The following MAP3K1 variants were observed in gnomAD, a reference collection of about 807,000 sequenced individuals.
The protein encoded by MAP3K1 is MAP/ERK kinase kinase 1.
In MAP3K1, 36 loss-of-function variants were observed where a neutral mutation model predicts 144.2. That is an observed-to-expected ratio of 0.25 (90% confidence interval 0.19 to 0.33). The LOEUF (loss-of-function observed/expected upper bound fraction) is 0.33, where lower values mean the gene tolerates loss of function less well. Among genes scored for constraint, MAP3K1 ranks in the 10% least tolerant of loss-of-function variants. The probability of loss-of-function intolerance (pLI) is 1.00; values close to 1 mark genes in which losing one functional copy is unlikely to be tolerated. For synonymous variants in MAP3K1, 718 were observed against 688.7 expected (o/e 1.04, Z -0.67); for missense variants, 1,650 against 1,881.9 (o/e 0.88, Z 2.28).
intron 19 of MAP3K1, among the ~76,000 whole-genome samples, chr5:56,893,279 G>A (rs1179502496): frequency 6.6e-6 from 1 of 152,154 alleles, no homozygotes; most frequent in African/African-American, 2.4e-5. Context: ...CCTTGTTGAT[G>A]TAAATAATAA....
At chr5:56,851,750 C>T (rs1386761348) in intron 1 of MAP3K1, among the ~76,000 whole-genome samples, 1 of 152,176 alleles carries the variant, frequency 6.6e-6, no homozygotes, top group Non-Finnish European at 1.5e-5. Flanking sequence ...ATTCCTGGAC[C>T]AGGCAGCTGT....
intron 1 of MAP3K1, among the ~76,000 whole-genome samples, chr5:56,855,996 T>C (rs369472921): frequency 6.6e-6 from 1 of 152,216 alleles, no homozygotes; most frequent in South Asian, 2.1e-4. Flanking sequence ...TTTATTCTGG[T>C]AAATCCACAC....
chr5:56,891,137 G>C (rs1326737884), intron 19 of MAP3K1, among the ~76,000 whole-genome samples: 2 of 55,402 alleles, frequency 3.6e-5, no homozygotes, highest in Non-Finnish European at 4.9e-5. Context: ...AACACACACA[G>C]ACACACACAC....
chr5:56,871,130 A>T (rs1747837325), intron 6 of MAP3K1, among the ~76,000 whole-genome samples: 1 of 152,174 alleles, frequency 6.6e-6, no homozygotes, highest in African/African-American at 2.4e-5. Context: ...AATATAATTA[A>T]CCATTATGTT....
At chr5:56,883,849 GTTA>G in intron 15 of MAP3K1, among the ~76,000 whole-genome samples, 170 bp downstream of exon 15, 1 of 152,260 alleles carries the variant, frequency 6.6e-6, no homozygotes, top group East Asian at 1.9e-4. Context: ...CATGAATTCT[GTTA>G]TTGTTAAAAG....
At position 56,816,037 on chromosome 5, in the gene MAP3K1, C is replaced by T. The variant is rs1027564206; in HGVS notation, c.464C>T (p.Pro155Leu). The change falls in exon 1 of 20, where the codon CCT becomes CTT. Residue 155 changes from proline to leucine, a missense_variant. By Grantham distance (98) the Pro-to-Leu change is moderately conservative. This residue lies in a region of MAP3K1 where 360 missense variants were observed against 274.7 expected (regional missense o/e 1.31). Transcript: ENST00000399503. ...CGGGCGCCCGCCGCCGAGCCGTCTC[C>T]TGCAGCGGCCCCCGCCGGGTGAGCA... ...EKRAPAAEPS[P>L]AAAPAGREME... 3.3e-6 allele frequency: 4 copies of T among 1,219,170 alleles called. No homozygotes were observed. Among genetic ancestry groups the T allele is most frequent in the African/African-American group, 1.6e-5 (1 of 63,508 alleles). The allele number at this position is 1,219,170 out of a possible 1,614,324, so 75.5% of individuals were successfully genotyped here.
At chr5:56,830,920 T>A (rs1465619680) in intron 1 of MAP3K1, among the ~76,000 whole-genome samples, 1 of 152,064 alleles carries the variant, frequency 6.6e-6, no homozygotes, top group Non-Finnish European at 1.5e-5. Context: ...GGATTGATTT[T>A]TTTTTTTTGT....
Position 56,872,736 on chromosome 5 carries a change from A to G in MAP3K1, c.1505+14A>G. The G allele has an allele frequency of 6.3e-7, 1 of 1,595,212 alleles. No homozygotes were observed. Among genetic ancestry groups the G allele is most frequent in the Non-Finnish European group, 8.6e-7 (1 of 1,163,000 alleles). On this transcript the variant is annotated intron_variant, in intron 8 of 19. Coordinates refer to ENST00000399503, the MANE Select transcript of MAP3K1 (RefSeq NM_005921.2). The stretch of plus-strand genomic sequence containing the variant: ...TGATTTCTACAGGTAATAATTTTGA[A>G]ATGATACGGATATGTTTAATTTTTA...
intron 1 of MAP3K1, among the ~76,000 whole-genome samples, chr5:56,849,563 T>G (rs1375904645): frequency 6.6e-6 from 1 of 152,204 alleles, no homozygotes; most frequent in Admixed American, 6.5e-5. Context: ...TTTTATACAT[T>G]GTTACTTCTT....
chr5:56,830,720 C>G (rs905376925), intron 1 of MAP3K1, among the ~76,000 whole-genome samples: 2 of 152,130 alleles, frequency 1.3e-5, no homozygotes, highest in Non-Finnish European at 2.9e-5. Context: ...ACTTTTTACA[C>G]CTAGTCTGAC....
chr5:56,825,853 G>A (rs546782723), intron 1 of MAP3K1, among the ~76,000 whole-genome samples: 1 of 152,186 alleles, frequency 6.6e-6, no homozygotes, highest in South Asian at 2.1e-4. Flanking sequence ...CCATAATGCA[G>A]TTCAGAAACC....
chr5:56,824,349 C>T (rs1050557746), intron 1 of MAP3K1, among the ~76,000 whole-genome samples: 1 of 152,200 alleles, frequency 6.6e-6, no homozygotes, highest in Non-Finnish European at 1.5e-5. Context: ...GGCATTTGCT[C>T]AGGATTGATA....
At chr5:56,885,833 G>A (rs1263407268) in intron 16 of MAP3K1, 99 bp from the exon 17 acceptor site, 2 of 943,488 alleles carry the variant, frequency 2.1e-6, no homozygotes, top group East Asian at 2.6e-5. Flanking sequence ...TTTCAGATGT[G>A]AATGTGAGTT....
intron 1 of MAP3K1, among the ~76,000 whole-genome samples, chr5:56,834,457 G>T (rs1746587172): frequency 6.6e-6 from 1 of 152,194 alleles, no homozygotes; most frequent in African/African-American, 2.4e-5. Context: ...AGGACAGCTT[G>T]TTGAATACTG....
chr5:56,885,862 G>A (rs1330900328), intron 16 of MAP3K1, 70 bp from the exon 17 acceptor site: 1 of 1,435,370 alleles, frequency 7.0e-7, no homozygotes, highest in African/African-American at 1.4e-5. Context: ...GAAAACTTTA[G>A]AAACCAAAGT....
At position 56,882,200 on chromosome 5, in the gene MAP3K1, T is replaced by C. The variant is rs764334412; in HGVS notation, c.3000T>C (p.Asp1000=). ...TPSVPAGTAT[D]VSKHRLQGFI... ...CTGTACCAGCTGGCACTGCAACAGA[T>C]GTCTCTAAGCATAGACTTCAGGGAT... is the stretch of plus-strand genomic sequence containing the variant. Residue 1000 remains aspartate, a synonymous_variant, in exon 14 of 20, where the codon GAT becomes GAC. Coordinates refer to ENST00000399503, the MANE Select transcript of MAP3K1 (RefSeq NM_005921.2). 6.2e-7 allele frequency: 1 copy of C among 1,614,180 alleles called. No individual in the cohort carries two copies. The highest frequency in any genetic ancestry group is 8.5e-7 in the Non-Finnish European group (1 of 1,180,028).
chr5:56,841,501 TAAG>T (rs951132920), intron 1 of MAP3K1, among the ~76,000 whole-genome samples: 2 of 152,132 alleles, frequency 1.3e-5, no homozygotes, highest in African/African-American at 4.8e-5. Flanking sequence ...GATGATACCT[TAAG>T]AAAGGATTTT....
chr5:56,817,969 T>C (rs1159744099), intron 1 of MAP3K1, among the ~76,000 whole-genome samples: 1 of 152,226 alleles, frequency 6.6e-6, no homozygotes, highest in Non-Finnish European at 1.5e-5. Context: ...ACCGAGGTTT[T>C]TTCCCCTTTG....
intron 1 of MAP3K1, among the ~76,000 whole-genome samples, chr5:56,826,369 G>A (rs1746314639): frequency 6.6e-6 from 1 of 152,068 alleles, no homozygotes; most frequent in Admixed American, 6.5e-5. Context: ...CTCTATCATT[G>A]TACATGTAGT....
Sources: gnomAD v4.1 joint callset for allele counts (sites outside exome capture counted in the v4.1 genomes callset) on GRCh38, gnomAD v4.1.1 for gene constraint, gnomAD v4.1.1 regional missense constraint, MANE v1.5 for transcripts, NCBI Gene and HGNC (gene_info 2026-07-23, HGNC 2026-07-21) for gene names.